Variants in CPN1 observed in about 807,000 individuals in gnomAD.
CPN1 encodes the protein carboxypeptidase N catalytic chain.
CPN1 carries 37 observed loss-of-function variants against 46.4 expected under a neutral mutation model. That is an observed-to-expected ratio of 0.80 (90% CI 0.61 to 1.05). The LOEUF (loss-of-function observed/expected upper bound fraction) is 1.05, where lower values mean the gene tolerates loss of function less well. Ranked by LOEUF, CPN1 falls within the 50% of genes least tolerant of loss-of-function variation. CPN1 has a pLI of 0.00. For synonymous variants in CPN1, 224 were observed against 235.4 expected (o/e 0.95, Z 0.44); for missense variants, 563 against 602.6 (o/e 0.93, Z 0.69).
intron 2 of CPN1, among the ~76,000 whole-genome samples, chr10:100,074,246 C>A (rs1038167678): frequency 3.3e-5 from 5 of 152,190 alleles, no homozygotes; most frequent in African/African-American, 1.2e-4. Flanking sequence ...TGTGTAGCCA[C>A]GCAGACAGCT....
At chr10:100,066,800 C>T (rs1196029593) in intron 3 of CPN1, among the ~76,000 whole-genome samples, 2 of 152,206 alleles carry the variant, frequency 1.3e-5, no homozygotes, top group Non-Finnish European at 2.9e-5. Flanking sequence ...AGGGTTGAGT[C>T]TTAATCAGAA....
At chr10:100,079,973 C>T (rs1294145547) in intron 1 of CPN1, among the ~76,000 whole-genome samples, 1 of 151,980 alleles carries the variant, frequency 6.6e-6, no homozygotes, top group Non-Finnish European at 1.5e-5. Flanking sequence ...GTAATCCCAG[C>T]TACTTGGGAG....
In CPN1 at chr10:100,065,063, C is replaced by G. The variant is rs952477630; in HGVS notation, c.759+125G>C. 5.1e-5 allele frequency: 61 copies of G among 1,187,756 alleles called. 1 individual carries two copies. The highest frequency in any genetic ancestry group is 6.8e-5 in the Non-Finnish European group (58 of 850,468). The allele number at this position is 1,187,756 out of a possible 1,614,324, so 73.6% of individuals were successfully genotyped here. On this transcript the variant is annotated intron_variant, in intron 4 of 8. Transcript: ENST00000370418. ...CATTTACTAGACTGTAAGCTCCTCACAAACAAGCGGTATTTTCAATTATTT... is the reference window on the plus strand; with the variant it reads ...CATTTACTAGACTGTAAGCTCCTCAGAAACAAGCGGTATTTTCAATTATTT...
intron 5 of CPN1, among the ~76,000 whole-genome samples, chr10:100,059,255 G>A (rs1043855623): frequency 3.3e-5 from 5 of 151,986 alleles, no homozygotes; most frequent in South Asian, 4.2e-4. Flanking sequence ...AATAGGTGAC[G>A]ACAGAATCAA....
intron 6 of CPN1, among the ~76,000 whole-genome samples, chr10:100,056,478 T>C (rs145416398): frequency 1.3e-5 from 2 of 152,322 alleles, no homozygotes; most frequent in East Asian, 3.9e-4. Context: ...GTAAGTTCCA[T>C]ATGGGCAGGG....
Position 100,054,359 on chromosome 10 carries a change from C to T in CPN1, c.1099G>A (p.Asp367Asn). The T allele has an allele frequency of 6.2e-7, 1 of 1,613,510 alleles. No homozygotes were observed. The highest frequency in any genetic ancestry group is 8.5e-7 in the Non-Finnish European group (1 of 1,179,502). ...AGTGACCACCTACCTGAAGTGACAT[C>T]ATGGTTAATCCCACTGACAGAAATG... The part of the protein sequence containing the change: ...AVISVSGINH[D>N]VTSGDHGDYF... Residue 367 changes from aspartate (D) to asparagine (N), a missense_variant, in exon 7 of 9, where the codon GAT becomes AAT. Coordinates refer to ENST00000370418, the MANE Select transcript of CPN1 (RefSeq NM_001308.3).
intron 7 of CPN1, 57 bp downstream of exon 7, chr10:100,054,290 C>G (rs2041372605): frequency 7.3e-7 from 1 of 1,378,830 alleles, no homozygotes; most frequent in Admixed American, 1.7e-5. Flanking sequence ...CTTGATTATG[C>G]TGAAGAAGAT....
intron 2 of CPN1, among the ~76,000 whole-genome samples, chr10:100,073,132 T>C (rs1478456879): frequency 2.0e-5 from 3 of 152,226 alleles, no homozygotes; most frequent in African/African-American, 7.2e-5. Context: ...CCTGCTTGTA[T>C]TTCATTTTTA....
intron 2 of CPN1, among the ~76,000 whole-genome samples, chr10:100,071,168 T>C (rs1389681398): frequency 6.6e-6 from 1 of 152,200 alleles, no homozygotes; most frequent in Non-Finnish European, 1.5e-5. Flanking sequence ...TCACATTTTG[T>C]TTATCCATTC....
intron 1 of CPN1, among the ~76,000 whole-genome samples, chr10:100,079,200 T>C (rs955976856): frequency 2.6e-5 from 4 of 152,252 alleles, no homozygotes; most frequent in African/African-American, 9.6e-5. Context: ...TCTGATGTAA[T>C]ATGTATTTAC....
chr10:100,065,903 C>T lies in CPN1; in HGVS notation c.577-533G>A, dbSNP rs979017449. The stretch of plus-strand genomic sequence containing the variant: ...AATTTTGCTGTGAACCTAAAACTAC[C>T]CTAAAAAATAAAGTCTGTTGAGAGA... On this transcript the variant is annotated intron_variant, in intron 3 of 8. Coordinates refer to ENST00000370418, the MANE Select transcript of CPN1 (RefSeq NM_001308.3). Among the ~76,000 whole-genome samples the T allele has an allele frequency of 2.6e-5, 4 of 151,602 alleles. No homozygotes were observed. In the South Asian group the frequency reaches 8.4e-4, roughly 32 times the overall value.
intron 1 of CPN1, among the ~76,000 whole-genome samples, chr10:100,081,029 G>C (rs761551778): frequency 6.6e-6 from 1 of 152,152 alleles, no homozygotes; most frequent in Non-Finnish European, 1.5e-5. Context: ...GAACTAGAAG[G>C]GCTCATTGTT....
In CPN1 at chr10:100,069,741, C is replaced by T. The variant is rs1373089984; in HGVS notation, c.549G>A (p.Leu183=). ...NEKYGGPNHH[L]PLPDNWKSQV... Reference sequence around the variant, plus strand: ...GACTTTTCCAGTTGTCTGGAAGGGGCAGGTGGTGGTTGGGGCCTCCGTACT... The same window carrying T: ...GACTTTTCCAGTTGTCTGGAAGGGGTAGGTGGTGGTTGGGGCCTCCGTACT... The change falls in exon 3 of 9, where the codon CTG becomes CTA. Residue 183 remains leucine (L), a synonymous_variant. Transcript: ENST00000370418. 1.9e-6 allele frequency: 3 copies of T among 1,613,830 alleles called. No individual in the cohort carries two copies. Among genetic ancestry groups the T allele is most frequent in the Non-Finnish European group, 2.5e-6 (3 of 1,179,982 alleles).
At chr10:100,075,846 T>C in intron 2 of CPN1, 65 bp downstream of exon 2, 1 of 1,497,014 alleles carries the variant, frequency 6.7e-7, no homozygotes, top group Admixed American at 1.7e-5. Flanking sequence ...GGGAATCTTG[T>C]CCACTGGACT....
chr10:100,049,187 G>GAC (rs1157970461), intron 7 of CPN1, among the ~76,000 whole-genome samples: 2 of 151,844 alleles, frequency 1.3e-5, no homozygotes, highest in Admixed American at 1.3e-4. Context: ...TCGAACCCCT[G>GAC]ACCTCAGGTG....
intron 5 of CPN1, among the ~76,000 whole-genome samples, chr10:100,063,113 T>TTTTTTG (rs982158753): frequency 5.9e-5 from 9 of 152,102 alleles, no homozygotes; most frequent in South Asian, 2.1e-4. Context: ...ACTTTAGTTA[T>TTTTTTG]TTTTTGTTTT....
chr10:100,074,992 A>G (rs1482577887), intron 2 of CPN1, among the ~76,000 whole-genome samples: 1 of 152,182 alleles, frequency 6.6e-6, no homozygotes, highest in Non-Finnish European at 1.5e-5. Flanking sequence ...ATGTTAGAAA[A>G]TAAAGTAAAA....
chr10:100,055,628 G>A (rs960667845), intron 6 of CPN1, among the ~76,000 whole-genome samples: 4 of 152,096 alleles, frequency 2.6e-5, no homozygotes, highest in Non-Finnish European at 5.9e-5. Flanking sequence ...GGGTTCAAGC[G>A]ATTCTCCTGC....
chr10:100,054,501 T>C, intron 6 of CPN1, 55 bp from the exon 7 acceptor site: 1 of 1,405,562 alleles, frequency 7.1e-7, no homozygotes, highest in South Asian at 1.2e-5. Flanking sequence ...ATTTGTACAG[T>C]GTTTTAGAGT....
Sources: allele counts gnomAD v4.1 joint callset (sites outside exome capture counted in the v4.1 genomes callset), GRCh38; gene constraint gnomAD v4.1.1; transcripts MANE v1.5; gene names NCBI Gene and HGNC (gene_info 2026-07-23, HGNC 2026-07-21).